MYO5A: variants seen among roughly 807,000 people sequenced by gnomAD.
MYO5A encodes myosin VA.
MYO5A carries 98 observed loss-of-function variants against 249.7 expected under a neutral mutation model. The observed-to-expected ratio is 0.39, with a 90% CI of 0.33 to 0.46. The LOEUF (loss-of-function observed/expected upper bound fraction) is 0.46. MYO5A is among the 20% of genes least tolerant of loss of function. The pLI, the probability that MYO5A is intolerant of heterozygous loss-of-function variation, is 0.98. For missense variants in MYO5A, 1,696 were observed against 2,308.8 expected, an observed-to-expected ratio of 0.73 and a Z score of 5.44; for synonymous variants, 778 against 810.6, an observed-to-expected ratio of 0.96 and a Z score of 0.68.
chr15:52,459,376 C>T (rs1264742672), intron 1 of MYO5A, among the ~76,000 whole-genome samples: 1 of 151,722 alleles, frequency 6.6e-6, no homozygotes, highest in Non-Finnish European at 1.5e-5. Flanking sequence ...TGACTCTTAA[C>T]GACTATGCTG....
intron 1 of MYO5A, among the ~76,000 whole-genome samples, chr15:52,471,834 A>T (rs1348421613): frequency 6.6e-6 from 1 of 151,920 alleles, no homozygotes; most frequent in African/African-American, 2.4e-5. Flanking sequence ...GAGTAGATAG[A>T]ACTACAAGTA....
intron 9 of MYO5A, 71 bp from the exon 10 acceptor site, chr15:52,397,537 A>G (rs2042544641): frequency 4.5e-6 from 7 of 1,539,962 alleles, no homozygotes; most frequent in Middle Eastern, 1.7e-4. Flanking sequence ...AAATGTTAAC[A>G]AAGAGTTAAC....
intron 1 of MYO5A, among the ~76,000 whole-genome samples, chr15:52,454,597 A>C (rs1330765120): frequency 6.6e-6 from 1 of 152,120 alleles, no homozygotes; most frequent in Non-Finnish European, 1.5e-5. Context: ...ATAGAACATA[A>C]CTTGGGCCAC....
At chr15:52,488,072 G>A (rs113311164) in intron 1 of MYO5A, among the ~76,000 whole-genome samples, 1 of 151,558 alleles carries the variant, frequency 6.6e-6, no homozygotes, top group Non-Finnish European at 1.5e-5. Flanking sequence ...GTAGCAAAAA[G>A]TTCCTTTACT....
intron 12 of MYO5A, among the ~76,000 whole-genome samples, chr15:52,389,849 G>A (rs1010680897): frequency 6.6e-6 from 1 of 152,092 alleles, no homozygotes; most frequent in Non-Finnish European, 1.5e-5. Context: ...AGCTACTCAG[G>A]AGACTGAGGC....
intron 2 of MYO5A, among the ~76,000 whole-genome samples, chr15:52,430,401 G>A (rs1198656609): frequency 6.6e-6 from 1 of 152,172 alleles, no homozygotes; most frequent in Non-Finnish European, 1.5e-5. Context: ...AGGTAGAGAA[G>A]ATCTGTAACA....
At chr15:52,362,918 T>C (rs1327169157) in intron 24 of MYO5A, among the ~76,000 whole-genome samples, 4 of 152,208 alleles carry the variant, frequency 2.6e-5, no homozygotes, top group African/African-American at 9.6e-5. Context: ...TCTCATTTTA[T>C]TTTCTGAAAT....
At chr15:52,331,513 A>AT (rs936042774) in intron 34 of MYO5A, among the ~76,000 whole-genome samples, 28 of 152,348 alleles carry the variant, frequency 1.8e-4, no homozygotes, top group African/African-American at 6.7e-4. Context: ...TTAAGGGCAG[A>AT]TTAAGTTTGA....
rs961566262 is a variant in MYO5A, at chr15:52,310,746, G to C, written c.*2950C>G. The C allele has an allele frequency of 6.6e-6, 1 of 152,414 alleles. No homozygotes were observed. Among genetic ancestry groups the C allele is most frequent in the Non-Finnish European group, 1.5e-5 (1 of 68,244 alleles). The allele number at this position is 152,414 out of a possible 1,614,324, so 9.4% of individuals were successfully genotyped here. On this transcript the variant is annotated 3_prime_UTR_variant, in exon 42 of 42. Coordinates refer to ENST00000399233, the MANE Select transcript of MYO5A (RefSeq NM_001382347.1). Reference sequence around the variant, plus strand: ...AGGCTGGCAGGGTGTGTCTGAAGTTGGGTGAGAAAGTGTGGCTGACAGAGA... The same window carrying C: ...AGGCTGGCAGGGTGTGTCTGAAGTTCGGTGAGAAAGTGTGGCTGACAGAGA...
intron 7 of MYO5A, 59 bp downstream of exon 7, chr15:52,408,000 G>C: frequency 9.0e-7 from 1 of 1,113,506 alleles, no homozygotes; most frequent in Non-Finnish European, 1.4e-6. Flanking sequence ...GTAAATTTAG[G>C]AACTTGGAAA....
In MYO5A at chr15:52,338,224, CT is replaced by C. The variant is rs561714948; in HGVS notation, c.4240-341del. 4.1e-3 allele frequency among the ~76,000 whole-genome samples: 534 copies of C among 128,788 alleles called. 1 individual carries two copies. The highest frequency in any genetic ancestry group is 5.7e-3 in the Non-Finnish European group (352 of 61,758). The allele number at this position is 128,788 out of a possible 152,430, so 84.5% of individuals were successfully genotyped here. ...CACATGATGCTCACAACTTGCTGCA[CT>C]TTTTTTTTTTTTTTTTTGCCGCCAG... is the stretch of plus-strand genomic sequence containing the variant. On this transcript the variant is annotated intron_variant, in intron 32 of 41. Transcript: ENST00000399233.
Position 52,477,099 on chromosome 15 carries a change from T to C in MYO5A, c.28-43814A>G, listed in dbSNP as rs1338274141. ...TGGAGGCTTTGTCATTTCTTTTTACTCTTTTTTCTCTAAACTTCTCTTCTT... is the reference window on the plus strand; with the variant it reads ...TGGAGGCTTTGTCATTTCTTTTTACCCTTTTTTCTCTAAACTTCTCTTCTT... On this transcript the variant is annotated intron_variant, in intron 1 of 41. Transcript: ENST00000399233. Among the ~76,000 whole-genome samples the C allele has an allele frequency of 2.6e-5, 4 of 152,242 alleles. No homozygotes were observed. In the South Asian group the frequency reaches 6.2e-4, roughly 24 times the overall value.
At chr15:52,418,064 A>G (rs926305746) in intron 4 of MYO5A, among the ~76,000 whole-genome samples, 1 of 152,212 alleles carries the variant, frequency 6.6e-6, no homozygotes, top group African/African-American at 2.4e-5. Context: ...GCAAGCAAGG[A>G]CTACAGAAGT....
rs150702425 is a variant in MYO5A at position 52,482,833 on chromosome 15, C to T, written c.27+45947G>A. Among the ~76,000 whole-genome samples, 67 of 152,228 alleles carry T rather than the reference C, an allele frequency of 4.4e-4. 1 individual carries two copies. In the East Asian group the frequency reaches 6.9e-3, roughly 16 times the overall value. On this transcript the variant is annotated intron_variant, in intron 1 of 41. Coordinates refer to ENST00000399233, the MANE Select transcript of MYO5A (RefSeq NM_001382347.1). ...TCTTGGCCCTAAATAGTGACTCTAT[C>T]CCCTGATGCCCCTGGACTACCAACC...
intron 1 of MYO5A, among the ~76,000 whole-genome samples, chr15:52,435,372 G>C (rs2075640291): frequency 6.6e-6 from 1 of 150,670 alleles, no homozygotes; most frequent in Admixed American, 6.7e-5. Context: ...CGCCTCCTGG[G>C]TTCAAGTGAT....
chr15:52,520,376 GA>G (rs1341234549), intron 1 of MYO5A, among the ~76,000 whole-genome samples: 3 of 152,138 alleles, frequency 2.0e-5, no homozygotes, highest in Non-Finnish European at 4.4e-5. Flanking sequence ...CCAATGAAAG[GA>G]GAAGGCACAT....
intron 21 of MYO5A, 100 bp from the exon 22 acceptor site, chr15:52,370,517 C>G: frequency 7.8e-7 from 1 of 1,289,214 alleles, no homozygotes; most frequent in Non-Finnish European, 1.1e-6. Flanking sequence ...GCTATATCAT[C>G]ATAACATTGA....
chr15:52,370,732 C>A (rs1478092535), intron 21 of MYO5A, among the ~76,000 whole-genome samples: 1 of 152,170 alleles, frequency 6.6e-6, no homozygotes, highest in Non-Finnish European at 1.5e-5. Context: ...ATAGGAGGAT[C>A]TATACTTGTT....
chr15:52,392,105 G>T (rs377632247), intron 11 of MYO5A, 35 bp from the exon 12 acceptor site: 7 of 1,588,898 alleles, frequency 4.4e-6, no homozygotes, highest in Non-Finnish European at 6.0e-6. Flanking sequence ...GTCATTACTG[G>T]ATCATTGTAA....
Sources: allele counts gnomAD v4.1 joint callset (sites outside exome capture counted in the v4.1 genomes callset), GRCh38; gene constraint gnomAD v4.1.1; transcripts MANE v1.5; gene names NCBI Gene and HGNC (gene_info 2026-07-23, HGNC 2026-07-21).